LRRC39: variants seen among roughly 807,000 people sequenced by gnomAD.
LRRC39 encodes the protein leucine rich repeat containing 39.
In LRRC39, 35 loss-of-function variants were observed where a neutral mutation model predicts 39.7. The observed-to-expected ratio is 0.88, with a 90% CI of 0.67 to 1.17. The LOEUF (loss-of-function observed/expected upper bound fraction) is 1.17, where lower values mean the gene tolerates loss of function less well. Among genes scored for constraint, LRRC39 ranks in the 50% most tolerant of loss-of-function variants. The pLI is 0.00. For synonymous variants in LRRC39, 113 were observed against 134.1 expected (o/e 0.84, Z 1.09); for missense variants, 357 against 385.8 (o/e 0.93, Z 0.62).
At chr1:100,151,933 A>G (rs945331589) in intron 9 of LRRC39, among the ~76,000 whole-genome samples, 2 of 152,128 alleles carry the variant, frequency 1.3e-5, no homozygotes, top group African/African-American at 4.8e-5. Context: ...CCTGGGCAAC[A>G]TAGTAAGACC....
rs769974195 is a variant in LRRC39 at position 100,168,465 on chromosome 1, A to G, written c.52T>C (p.Trp18Arg). 1.2e-6 allele frequency: 2 copies of G among 1,612,362 alleles called. No individual in the cohort carries two copies. Among genetic ancestry groups the G allele is most frequent in the Admixed American group, 1.7e-5 (1 of 59,556 alleles). ...TTGAGTTTCTTTATTCTTTTTTCCC[A>G]AACTTCCTTTACAGCATTGACAGCC... ...TGAVNAVKEV[W>R]EKRIKKLNED... Residue 18 changes from tryptophan (W) to arginine (R), a missense_variant, in exon 3 of 10, where the codon TGG becomes CGG. Transcript: ENST00000370137.
intron 2 of LRRC39, among the ~76,000 whole-genome samples, chr1:100,170,793 G>T (rs2101794719): frequency 6.6e-6 from 1 of 152,012 alleles, no homozygotes; most frequent in East Asian, 1.9e-4. Flanking sequence ...ACTCTCTGCA[G>T]CCTTGACCTC....
Position 100,153,999 on chromosome 1 carries a change from G to T in LRRC39, c.812+1052C>A, listed in dbSNP as rs139962164. 4.0e-5 allele frequency among the ~76,000 whole-genome samples: 6 copies of T among 151,224 alleles called. No homozygotes were observed. In the East Asian group the frequency reaches 1.2e-3, roughly 29 times the overall value. ...ACACTTTTATGCTTTTGATTTTTAT[G>T]TTGTGAGTGAAGTTTTTTTAGCTGT... is the stretch of plus-strand genomic sequence containing the variant. On this transcript the variant is annotated intron_variant, in intron 8 of 9. Transcript: ENST00000370137.
intron 2 of LRRC39, among the ~76,000 whole-genome samples, chr1:100,172,816 C>T (rs536620774): frequency 2.4e-3 from 359 of 152,000 alleles, no homozygotes; most frequent in Non-Finnish European, 3.7e-3. Flanking sequence ...AAAAATTAGC[C>T]GGGCGTGGTG....
chr1:100,153,823 T>G (rs1324217524), intron 8 of LRRC39, among the ~76,000 whole-genome samples: 1 of 152,142 alleles, frequency 6.6e-6, no homozygotes, highest in Non-Finnish European at 1.5e-5. Context: ...TGGCGCAATC[T>G]TGGCTCACTG....
intron 8 of LRRC39, 36 bp from the exon 9 acceptor site, chr1:100,152,560 G>A: frequency 6.3e-7 from 1 of 1,599,298 alleles, no homozygotes; most frequent in Non-Finnish European, 8.5e-7. Flanking sequence ...TTTTATAGGT[G>A]TCATGGAAGT....
chr1:100,164,274 C>T (rs988949289), intron 3 of LRRC39, among the ~76,000 whole-genome samples: 4 of 152,062 alleles, frequency 2.6e-5, no homozygotes, highest in South Asian at 2.1e-4. Flanking sequence ...TTTAGCTGAA[C>T]GAAGCAGCAT....
At chr1:100,159,606 C>CTTTTTTTTTTTTTTTTTTTTTT (rs10593200) in intron 4 of LRRC39, among the ~76,000 whole-genome samples, 191 bp from the exon 5 acceptor site, 1 of 41,286 alleles carries the variant, frequency 2.4e-5, no homozygotes, top group Non-Finnish European at 4.4e-5. Flanking sequence ...TTTTCTTTTC[C>CTTTTTTTTTTTTTTTTTTTTTT]TTTTTTTTTT....
intron 7 of LRRC39, 77 bp from the exon 8 acceptor site, chr1:100,155,280 A>G (rs1658381240): frequency 1.6e-6 from 2 of 1,289,910 alleles, no homozygotes. Flanking sequence ...AAATAATTTT[A>G]AGAGGTAGGG....
rs1011824790 is a variant in LRRC39, at chr1:100,174,193, G to C, written c.-118-823C>G. 4.6e-5 allele frequency among the ~76,000 whole-genome samples: 7 copies of C among 152,256 alleles called. 1 individual carries two copies. In the South Asian group the frequency reaches 1.4e-3, roughly 32 times the overall value. On this transcript the variant is annotated intron_variant, in intron 1 of 9. Transcript: ENST00000370137. ...TCATCAAGATCTCTTTTAAAGCTAT[G>C]GTACTAGATAATGTTATTGGTGCAA...
intron 3 of LRRC39, among the ~76,000 whole-genome samples, chr1:100,166,916 T>C (rs1449082186): frequency 6.6e-6 from 1 of 152,188 alleles, no homozygotes; most frequent in Non-Finnish European, 1.5e-5. Flanking sequence ...CCACCATGAT[T>C]GTGAGGCCTC....
rs371415845 is a variant in LRRC39 at position 100,159,232 on chromosome 1, C to T, written c.376+27G>A. 2.5e-5 allele frequency: 39 copies of T among 1,550,256 alleles called. No individual in the cohort carries two copies. In the East Asian group the frequency reaches 4.2e-4, roughly 17 times the overall value. The stretch of plus-strand genomic sequence containing the variant: ...GCACATCTGCAGGTGGATAAAATAG[C>T]ACAGGAATAAAAGTAATCTTTCTTA... On this transcript the variant is annotated intron_variant, in intron 5 of 9. Transcript: ENST00000370137.
At chr1:100,161,357 C>A (rs1391774129) in intron 3 of LRRC39, among the ~76,000 whole-genome samples, 3 of 152,132 alleles carry the variant, frequency 2.0e-5, no homozygotes, top group Non-Finnish European at 4.4e-5. Context: ...CAATATATAG[C>A]CTTTGTGTCT....
chr1:100,149,034 G>T lies in LRRC39; in HGVS notation c.*8C>A. 2 of 1,570,714 alleles carry T rather than the reference G, an allele frequency of 1.3e-6. No individual in the cohort carries two copies. Among genetic ancestry groups the T allele is most frequent in the South Asian group, 1.2e-5 (1 of 81,606 alleles). ...GTAATCCTCTTTAGAAGGGCATCTT[G>T]AATTATATTATCCATCCGTATTTAT... On this transcript the variant is annotated 3_prime_UTR_variant, in exon 10 of 10. Coordinates refer to ENST00000370137, the MANE Select transcript of LRRC39 (RefSeq NM_144620.4).
In LRRC39 at chr1:100,148,577, AC is replaced by A. The variant is rs1478839728; in HGVS notation, c.*464del. The A allele has an allele frequency of 9.7e-6, 15 of 1,544,806 alleles. No homozygotes were observed. Among genetic ancestry groups the A allele is most frequent in the Non-Finnish European group, 1.3e-5 (15 of 1,141,818 alleles). ...TAGTGACAAAAATAATTTTTTATAA[AC>A]TTTTGCAAAATTTTAACAATGTTTT... On this transcript the variant is annotated 3_prime_UTR_variant, in exon 10 of 10. Transcript: ENST00000370137.
At chr1:100,160,618 G>A in intron 3 of LRRC39, 47 bp from the exon 4 acceptor site, 1 of 1,466,596 alleles carries the variant, frequency 6.8e-7, no homozygotes, top group Non-Finnish European at 9.3e-7. Flanking sequence ...TTACATAAGT[G>A]GCATTCACTT....
At chr1:100,167,816 A>ATAC in intron 3 of LRRC39, among the ~76,000 whole-genome samples, 1 of 147,416 alleles carries the variant, frequency 6.8e-6, no homozygotes, top group East Asian at 1.9e-4. Flanking sequence ...AATAATAATA[A>ATAC]TAATAATAAT....
At chr1:100,154,987 A>T (rs1158098538) in intron 8 of LRRC39, 64 bp downstream of exon 8, 3 of 1,421,202 alleles carry the variant, frequency 2.1e-6, no homozygotes, top group Non-Finnish European at 2.8e-6. Flanking sequence ...ATCTCTCTAC[A>T]GTACTTTTTT....
At chr1:100,167,373 C>CT (rs1412635135) in intron 3 of LRRC39, among the ~76,000 whole-genome samples, 1 of 152,120 alleles carries the variant, frequency 6.6e-6, no homozygotes, top group African/African-American at 2.4e-5. Flanking sequence ...TTTGCATTGA[C>CT]TATCTTCAGA....
Sources: allele counts gnomAD v4.1 joint callset (sites outside exome capture counted in the v4.1 genomes callset), GRCh38; gene constraint gnomAD v4.1.1; transcripts MANE v1.5; gene names NCBI Gene and HGNC (gene_info 2026-07-23, HGNC 2026-07-21).